ZNF385D: variants seen among roughly 807,000 people sequenced by gnomAD.
ZNF385D encodes the protein zinc finger protein 385D.
A neutral mutation model predicts 35.8 loss-of-function variants in ZNF385D; 15 were observed. That is an observed-to-expected ratio of 0.42 (90% CI 0.28 to 0.64). The LOEUF (loss-of-function observed/expected upper bound fraction) is 0.64. ZNF385D is among the 30% of genes least tolerant of loss of function. ZNF385D has a pLI of 0.23. For synonymous variants in ZNF385D, 212 were observed against 186.8 expected (o/e 1.13, Z -1.10); for missense variants, 474 against 494.6 (o/e 0.96, Z 0.39).
intron 3 of ZNF385D, among the ~76,000 whole-genome samples, chr3:22,080,985 C>A (rs1015365676): frequency 6.6e-6 from 1 of 152,174 alleles, no homozygotes; most frequent in Non-Finnish European, 1.5e-5. Context: ...ATAAGCCACC[C>A]AGTGGCTTAT....
intron 3 of ZNF385D, among the ~76,000 whole-genome samples, chr3:21,867,742 TAAAAA>T (rs5847148): frequency 6.7e-6 from 1 of 148,742 alleles, no homozygotes; most frequent in African/African-American, 2.5e-5. Context: ...GTAGGAAAAG[TAAAAA>T]AAAAAAAAAC....
At chr3:22,214,214 T>C (rs576671095) in intron 2 of ZNF385D, among the ~76,000 whole-genome samples, 2 of 152,262 alleles carry the variant, frequency 1.3e-5, no homozygotes, top group African/African-American at 4.8e-5. Context: ...ATTGTGAAGA[T>C]TTCATGGACA....
In ZNF385D at chr3:21,496,172, G is replaced by A. The variant is rs527451422; in HGVS notation, c.439+14689C>T. Among the ~76,000 whole-genome samples, 25 of 151,322 alleles carry A rather than the reference G, an allele frequency of 1.7e-4. No individual in the cohort carries two copies. In the South Asian group the frequency reaches 2.9e-3, roughly 18 times the overall value. On this transcript the variant is annotated intron_variant, in intron 4 of 7. Transcript: ENST00000281523. ...GAAACTCTTCTAAAAAACTTGAGGCGGAGGCACTTCTCCCCAACTCATTCT... is the reference window on the plus strand; with the variant it reads ...GAAACTCTTCTAAAAAACTTGAGGCAGAGGCACTTCTCCCCAACTCATTCT...
In ZNF385D at chr3:22,104,180, C is replaced by G. The variant is rs529383254; in HGVS notation, c.325+64637G>C. Among the ~76,000 whole-genome samples, 44 of 152,132 alleles carry G rather than the reference C, an allele frequency of 2.9e-4. 1 individual carries two copies. In the South Asian group the frequency reaches 8.5e-3, roughly 29 times the overall value. ...AATGCATTTATGCCCCTGCAGTTGC[C>G]ATTACCTCCATGATGGATTCCAGCA... On this transcript the variant is annotated intron_variant, in intron 3 of 5. Coordinates refer to the ZNF385D transcript ENST00000494108.
intron 3 of ZNF385D, among the ~76,000 whole-genome samples, chr3:21,862,590 T>C (rs1366128465): frequency 6.6e-6 from 1 of 152,124 alleles, no homozygotes; most frequent in Admixed American, 6.6e-5. Flanking sequence ...ATTGCCATTA[T>C]ATTATGTGTA....
chr3:21,451,949 TAAAAA>T (rs1201306823), intron 4 of ZNF385D, among the ~76,000 whole-genome samples: 1 of 152,052 alleles, frequency 6.6e-6, no homozygotes, highest in African/African-American at 2.4e-5. Flanking sequence ...AGCTAAGTAT[TAAAAA>T]TTGCATAGTG....
intron 3 of ZNF385D, among the ~76,000 whole-genome samples, chr3:21,512,725 G>T (rs574170900): frequency 6.6e-6 from 1 of 152,216 alleles, no homozygotes; most frequent in Non-Finnish European, 1.5e-5. Flanking sequence ...ACCAGCGATA[G>T]ATTGGATTAA....
chr3:22,147,410 C>T lies in ZNF385D; in HGVS notation c.325+21407G>A, dbSNP rs74691744. Among the ~76,000 whole-genome samples, 1,477 of 152,184 alleles carry T rather than the reference C, an allele frequency of 9.7e-3. 21 individuals carry two copies. The highest frequency in any genetic ancestry group is 0.034 in the African/African-American group (1,399 of 41,518). ...TTGGCCATAGCCCAAATCAGTTCCA[C>T]GAATGCTATCCTGAGGCTTTTGCTG... On this transcript the variant is annotated intron_variant, in intron 3 of 5. Coordinates refer to the ZNF385D transcript ENST00000494108.
intron 1 of ZNF385D, among the ~76,000 whole-genome samples, chr3:21,701,603 G>A (rs562731627): frequency 6.6e-6 from 1 of 152,192 alleles, no homozygotes; most frequent in African/African-American, 2.4e-5. Flanking sequence ...ACTCATTTCA[G>A]CATTAACCTA....
intron 3 of ZNF385D, among the ~76,000 whole-genome samples, chr3:21,845,831 A>C (rs1695971224): frequency 6.6e-6 from 1 of 152,050 alleles, no homozygotes; most frequent in African/African-American, 2.4e-5. Context: ...CAATTTCTAC[A>C]TCAATGTCAG....
intron 3 of ZNF385D, among the ~76,000 whole-genome samples, chr3:21,862,403 G>C (rs962713180): frequency 1.3e-5 from 2 of 151,724 alleles, no homozygotes; most frequent in African/African-American, 4.8e-5. Flanking sequence ...ATGTCGACCA[G>C]CCTGAGATTC....
At chr3:22,181,201 G>C (rs1043351438) in intron 2 of ZNF385D, among the ~76,000 whole-genome samples, 4 of 151,998 alleles carry the variant, frequency 2.6e-5, no homozygotes, top group Non-Finnish European at 4.4e-5. Flanking sequence ...GAGAAGAGCA[G>C]ATACTAACGA....
chr3:22,354,940 G>C (rs1282476909), intron 2 of ZNF385D, among the ~76,000 whole-genome samples: 1 of 152,032 alleles, frequency 6.6e-6, no homozygotes, highest in Non-Finnish European at 1.5e-5. Context: ...GGAAAACACA[G>C]ATATAGGAAG....
intron 3 of ZNF385D, among the ~76,000 whole-genome samples, chr3:21,874,947 CTTAA>C (rs1202935910): frequency 6.6e-6 from 1 of 151,770 alleles, no homozygotes; most frequent in Non-Finnish European, 1.5e-5. Flanking sequence ...GCTTTGTGTT[CTTAA>C]TTAAGTTTAT....
intron 3 of ZNF385D, among the ~76,000 whole-genome samples, chr3:22,059,094 C>G (rs972415477): frequency 2.6e-5 from 4 of 152,140 alleles, no homozygotes; most frequent in African/African-American, 9.7e-5. Flanking sequence ...TCACTGGACT[C>G]CTGGAGGTGG....
chr3:21,824,716 C>A (rs1243153368), intron 3 of ZNF385D, among the ~76,000 whole-genome samples: 1 of 152,014 alleles, frequency 6.6e-6, no homozygotes, highest in African/African-American at 2.4e-5. Flanking sequence ...GCATCCCCAT[C>A]ATACTGGAGT....
chr3:21,703,358 T>C (rs2067767385), intron 1 of ZNF385D, among the ~76,000 whole-genome samples: 1 of 152,024 alleles, frequency 6.6e-6, no homozygotes, highest in Non-Finnish European at 1.5e-5. Flanking sequence ...TCCCCCTGGG[T>C]CCCTCCTATA....
intron 1 of ZNF385D, among the ~76,000 whole-genome samples, chr3:21,675,277 A>G (rs1206347950): frequency 3.3e-5 from 5 of 151,952 alleles, no homozygotes; most frequent in Admixed American, 2.6e-4. Flanking sequence ...TTTCTTAAAC[A>G]TGGATTTCAT....
rs1704248771 is a variant in ZNF385D at position 22,137,850 on chromosome 3, T to C, written c.325+30967A>G. On this transcript the variant is annotated intron_variant, in intron 3 of 5. Coordinates refer to the ZNF385D transcript ENST00000494108. Reference sequence around the variant, plus strand: ...TCAGGCAGGAGAAGGAAATAAAGGGTATTCAATTAGGAAAAGAGGAAGTCA... The same window carrying C: ...TCAGGCAGGAGAAGGAAATAAAGGGCATTCAATTAGGAAAAGAGGAAGTCA... Among the ~76,000 whole-genome samples, 5 of 151,796 alleles carry C rather than the reference T, an allele frequency of 3.3e-5. No individual in the cohort carries two copies. The South Asian group carries it at 1.0e-3, about 32-fold the overall frequency.
Sources: gnomAD v4.1 joint callset for allele counts (sites outside exome capture counted in the v4.1 genomes callset) on GRCh38, gnomAD v4.1.1 for gene constraint, MANE v1.5 for transcripts, NCBI Gene and HGNC (gene_info 2026-07-23, HGNC 2026-07-21) for gene names.